RTL4: variants seen among roughly 807,000 people sequenced by gnomAD.
RTL4 encodes the protein retrotransposon Gag like 4, also known as retrotransposon Gag-like protein 4.
A neutral mutation model predicts 5.3 loss-of-function variants in RTL4; 4 were observed. That is an observed-to-expected ratio of 0.75 (90% CI 0.37 to 1.72). The LOEUF (loss-of-function observed/expected upper bound fraction) is 1.72. Among genes scored for constraint, RTL4 ranks in the 40% most tolerant of loss-of-function variants. The pLI, the probability that RTL4 is intolerant of heterozygous loss-of-function variation, is 0.04. For missense variants in RTL4, 260 were observed against 227.1 expected (o/e 1.14, Z -0.93); for synonymous variants, 98 against 87.3 (o/e 1.12, Z -0.68).
the RTL4 span, among the ~76,000 whole-genome samples, chrX:112,361,978 C>G: frequency 6.3e-5 from 7 of 111,718 alleles, no homozygotes; most frequent in South Asian, 2.6e-3. Context: ...AGATGCCACT[C>G]CCAAATGTTT....
At chrX:112,129,867 C>T in the RTL4 span, among the ~76,000 whole-genome samples, 1 of 111,359 alleles carries the variant, frequency 9.0e-6, no homozygotes, top group African/African-American at 3.3e-5. Context: ...AAAAACGATC[C>T]AAAATTAAAA....
the RTL4 span, among the ~76,000 whole-genome samples, chrX:112,243,572 C>G: frequency 9.0e-6 from 1 of 111,052 alleles, no homozygotes; most frequent in Non-Finnish European, 1.9e-5. Context: ...TTGCATCTAT[C>G]TAATTCTACT....
chrX:112,184,352 A>T, the RTL4 span, among the ~76,000 whole-genome samples: 2 of 111,660 alleles, frequency 1.8e-5, no homozygotes, highest in Non-Finnish European at 3.8e-5. Context: ...AAAGTATAAT[A>T]AAAAAAATTA....
the RTL4 span, among the ~76,000 whole-genome samples, chrX:112,239,808 G>A: frequency 1.4e-4 from 16 of 111,528 alleles, no homozygotes; most frequent in Non-Finnish European, 2.3e-4. Context: ...AACCATTTCC[G>A]CCCATATCTG....
rs1425034232 is a variant in RTL4, at chrX:112,454,613, T to C, written c.-116T>C. ...TAGTGTCTTCTTCACAGCTAACAGC[T>C]TTGGCTACTTGCTCATGACACTCCG... On this transcript the variant is annotated 5_prime_UTR_variant, in exon 1 of 1. Transcript: ENST00000340433. 7 of 686,961 alleles carry C rather than the reference T, an allele frequency of 1.0e-5. No individual in the cohort carries two copies. The East Asian group carries it at 2.0e-4, about 19-fold the overall frequency. The allele number at this position is 686,961 out of a possible 1,213,427, so 56.6% of individuals were successfully genotyped here.
At chrX:112,309,470 A>G in the RTL4 span, among the ~76,000 whole-genome samples, 8 of 110,705 alleles carry the variant, frequency 7.2e-5, no homozygotes, top group African/African-American at 2.6e-4. Flanking sequence ...GCAGTATCTA[A>G]TAGAATGGAC....
chrX:112,438,089 C>T, the RTL4 span, among the ~76,000 whole-genome samples: 17 of 111,248 alleles, frequency 1.5e-4, no homozygotes, highest in East Asian at 1.1e-3. Flanking sequence ...CAACAACCAA[C>T]ATTTGTTTTC....
At chrX:112,148,900 C>G in the RTL4 span, among the ~76,000 whole-genome samples, 1 of 111,379 alleles carries the variant, frequency 9.0e-6, no homozygotes, top group Non-Finnish European at 1.9e-5. Context: ...TCGTCTCATC[C>G]CATTGATGTG....
the RTL4 span, among the ~76,000 whole-genome samples, chrX:112,352,792 C>T: frequency 9.0e-6 from 1 of 111,690 alleles, no homozygotes; most frequent in African/African-American, 3.3e-5. Flanking sequence ...ATGACTAAAA[C>T]ACCAAAAGCA....
the RTL4 span, among the ~76,000 whole-genome samples, chrX:112,112,674 A>G: frequency 8.9e-6 from 1 of 111,896 alleles, no homozygotes; most frequent in African/African-American, 3.3e-5. Context: ...GGTAGCCAAA[A>G]GTAAATCATT....
the RTL4 span, among the ~76,000 whole-genome samples, chrX:112,448,754 G>A: frequency 1.8e-5 from 2 of 111,668 alleles, no homozygotes; most frequent in East Asian, 5.7e-4. Context: ...GAGTCCTTTG[G>A]AGCCAGTTAT....
the RTL4 span, among the ~76,000 whole-genome samples, chrX:112,436,105 T>C: frequency 9.0e-6 from 1 of 110,717 alleles, no homozygotes; most frequent in Non-Finnish European, 1.9e-5. Context: ...TAATCCCAGC[T>C]ACTCAGGAGG....
the RTL4 span, among the ~76,000 whole-genome samples, chrX:112,271,298 G>A: frequency 8.8e-6 from 1 of 113,215 alleles, no homozygotes; most frequent in Non-Finnish European, 1.9e-5. Flanking sequence ...TTTCGAGATC[G>A]ATCTTTTGAA....
chrX:112,085,396 G>A, the RTL4 span, among the ~76,000 whole-genome samples: 3 of 112,403 alleles, frequency 2.7e-5, no homozygotes, highest in Non-Finnish European at 3.8e-5. Flanking sequence ...TCTTCTTACA[G>A]CCTTGACCAT....
the RTL4 span, among the ~76,000 whole-genome samples, chrX:112,285,063 A>T: frequency 2.7e-5 from 3 of 112,371 alleles, no homozygotes; most frequent in South Asian, 3.7e-4. Flanking sequence ...ACAATGGCCC[A>T]GTAAACATAC....
chrX:112,452,792 G>T (rs1926763214), upstream of RTL4, among the ~76,000 whole-genome samples: 1 of 111,593 alleles, frequency 9.0e-6, no homozygotes, highest in South Asian at 3.8e-4. Flanking sequence ...AGCACTTCGG[G>T]AGACCGAGGC....
At chrX:112,092,997 T>C in the RTL4 span, among the ~76,000 whole-genome samples, 7 of 111,243 alleles carry the variant, frequency 6.3e-5, no homozygotes, top group Admixed American at 2.9e-4. Context: ...CTAGGAGTTC[T>C]ATTATCCCAG....
chrX:112,343,200 T>C, the RTL4 span, among the ~76,000 whole-genome samples: 1 of 112,491 alleles, frequency 8.9e-6, no homozygotes, highest in Admixed American at 9.4e-5. Context: ...ATGTCATTCA[T>C]TGTAACCACC....
the RTL4 span, among the ~76,000 whole-genome samples, chrX:112,175,765 C>A: frequency 1.8e-5 from 2 of 110,866 alleles, no homozygotes; most frequent in African/African-American, 6.6e-5. Flanking sequence ...AAACCCACAG[C>A]CAATATCATA....
Sources: gnomAD v4.1 joint callset for allele counts (sites outside exome capture counted in the v4.1 genomes callset) on GRCh38, gnomAD v4.1.1 for gene constraint, MANE v1.5 for transcripts, NCBI Gene and HGNC (gene_info 2026-07-23, HGNC 2026-07-21) for gene names.